Variants in UBOX5 observed in about 807,000 individuals in gnomAD.
UBOX5 encodes the protein RING finger protein 37.
UBOX5 carries 28 observed loss-of-function variants against 39.0 expected under a neutral mutation model. The ratio of observed to expected loss-of-function variants is 0.72; its 90% CI spans 0.53 to 0.98. The LOEUF is 0.98. UBOX5 is among the 50% of genes least tolerant of loss of function. UBOX5 has a pLI of 0.00. For synonymous variants in UBOX5, 283 were observed against 275.5 expected, an observed-to-expected ratio of 1.03 and a Z score of -0.27; for missense variants, 585 against 674.4, an observed-to-expected ratio of 0.87 and a Z score of 1.47.
In UBOX5 at chr20:3,119,979, G is replaced by C. The variant is rs962959613; in HGVS notation, c.1255+1405C>G. Among the ~76,000 whole-genome samples the C allele has an allele frequency of 2.6e-5, 4 of 152,116 alleles. No homozygotes were observed. The East Asian group carries it at 5.8e-4, about 22-fold the overall frequency. ...AACCAGGGCTGCTCACCTCAGGAGAGAGCAGCATCACCGGCCCTAGAAATC... is the reference window on the plus strand; with the variant it reads ...AACCAGGGCTGCTCACCTCAGGAGACAGCAGCATCACCGGCCCTAGAAATC... On this transcript the variant is annotated intron_variant, in intron 3 of 4. Transcript: ENST00000217173.
At chr20:3,158,150 G>A (rs148329264) in intron 1 of UBOX5, among the ~76,000 whole-genome samples, 6 of 151,306 alleles carry the variant, frequency 4.0e-5, no homozygotes, top group African/African-American at 1.5e-4. Context: ...TGTTTTTTTC[G>A]TAGAGACAGA....
Position 3,124,422 on chromosome 20 carries a change from A to G in UBOX5, c.-41-1016T>C, listed in dbSNP as rs1031689100. 5.3e-5 allele frequency among the ~76,000 whole-genome samples: 8 copies of G among 152,076 alleles called. No individual in the cohort carries two copies. The East Asian group carries it at 5.8e-4, about 11-fold the overall frequency. On this transcript the variant is annotated intron_variant, in intron 1 of 4. Transcript: ENST00000217173. ...TTGCAGACGGAGTCTCGTTCACTCAATGCTCAATGTTGCCCAGGCTGGAGT... is the reference window on the plus strand; with the variant it reads ...TTGCAGACGGAGTCTCGTTCACTCAGTGCTCAATGTTGCCCAGGCTGGAGT...
intron 1 of UBOX5, among the ~76,000 whole-genome samples, chr20:3,136,557 G>A (rs560896870): frequency 1.4e-3 from 217 of 151,796 alleles, no homozygotes; most frequent in Admixed American, 2.5e-3. Context: ...ATTTCCCCAC[G>A]TTGGCCAGAG....
intron 1 of UBOX5, among the ~76,000 whole-genome samples, chr20:3,144,341 G>A (rs917765652): frequency 6.6e-6 from 1 of 152,152 alleles, no homozygotes; most frequent in Non-Finnish European, 1.5e-5. Flanking sequence ...CCACATGTAT[G>A]GTCAATTGAT....
At chr20:3,114,732 G>A (rs77445488) in intron 4 of UBOX5, among the ~76,000 whole-genome samples, 2 of 152,150 alleles carry the variant, frequency 1.3e-5, no homozygotes, top group Non-Finnish European at 2.9e-5. Flanking sequence ...GGCGGATCAC[G>A]AGGTCGGGAG....
chr20:3,123,403 C>T lies in UBOX5; in HGVS notation c.-38G>A, dbSNP rs1456243871. 10 of 1,592,328 alleles carry T rather than the reference C, an allele frequency of 6.3e-6. No homozygotes were observed. Among genetic ancestry groups the T allele is most frequent in the Non-Finnish European group, 8.6e-6 (10 of 1,162,418 alleles). On this transcript the variant is annotated 5_prime_UTR_variant, in exon 2 of 5. Coordinates refer to ENST00000217173, the MANE Select transcript of UBOX5 (RefSeq NM_014948.4). ...GAGGATATCTTCCAAGCATCAGAAG[C>T]AGCCTTAAATAAGAAATAAAACTAT...
rs200804274 is a variant in UBOX5 at position 3,121,988 on chromosome 20, C to A, written c.651G>T (p.Leu217=). Reference sequence around the variant, plus strand: ...GAGCCTGCAGAGCCACATCCTGAGGCAGGTTCTCTGAGGTGACCAGCAGGA... The same window carrying A: ...GAGCCTGCAGAGCCACATCCTGAGGAAGGTTCTCTGAGGTGACCAGCAGGA... ...DSILLVTSEN[L]PQDVALQAPA... is the part of the protein sequence containing the mutation. Residue 217 remains leucine, a synonymous_variant, in exon 3 of 5, where the codon CTG becomes CTT. Coordinates refer to ENST00000217173, the MANE Select transcript of UBOX5 (RefSeq NM_014948.4). The A allele has an allele frequency of 3.7e-6, 6 of 1,614,050 alleles. No homozygotes were observed. Among genetic ancestry groups the A allele is most frequent in the Non-Finnish European group, 5.1e-6 (6 of 1,180,048 alleles).
chr20:3,137,323 T>C (rs1435087016), intron 1 of UBOX5, among the ~76,000 whole-genome samples: 1 of 152,128 alleles, frequency 6.6e-6, no homozygotes, highest in Non-Finnish European at 1.5e-5. Flanking sequence ...TAAAAAACAA[T>C]ACAGAGAGAT....
At chr20:3,125,392 T>G (rs1335647541) in intron 1 of UBOX5, among the ~76,000 whole-genome samples, 5 of 109,676 alleles carry the variant, frequency 4.6e-5, no homozygotes, top group African/African-American at 1.8e-4. Flanking sequence ...GTCTGGGAGG[T>G]GAGGAGCGCC....
chr20:3,135,222 A>T (rs538651364), intron 1 of UBOX5, among the ~76,000 whole-genome samples: 2 of 152,208 alleles, frequency 1.3e-5, no homozygotes, highest in Non-Finnish European at 2.9e-5. Flanking sequence ...ACAGGAGTAA[A>T]CATGTGAACT....
chr20:3,114,144 A>G (rs1021057208), intron 4 of UBOX5, among the ~76,000 whole-genome samples: 4 of 152,174 alleles, frequency 2.6e-5, no homozygotes, highest in African/African-American at 9.7e-5. Flanking sequence ...TAAAAAAAGA[A>G]AAAAGAGAGA....
At chr20:3,126,329 C>T (rs1600380242) in intron 1 of UBOX5, among the ~76,000 whole-genome samples, 2 of 151,998 alleles carry the variant, frequency 1.3e-5, no homozygotes, top group South Asian at 2.1e-4. Context: ...TAAGAGTCAT[C>T]ACCACTCCCT....
chr20:3,109,896 C>T lies in UBOX5; in HGVS notation c.*210G>A, dbSNP rs1312365002. The T allele has an allele frequency of 1.4e-5, 9 of 624,852 alleles. No individual in the cohort carries two copies. The highest frequency in any genetic ancestry group is 1.3e-4 in the African/African-American group (7 of 54,354). 38.7% of individuals were successfully genotyped at this position (624,852 alleles called of 1,614,324 possible). On this transcript the variant is annotated 3_prime_UTR_variant, in exon 5 of 5. Transcript: ENST00000217173. ...GGGGGTGGCAGGGAGGCAGGGACAT[C>T]CCCCCGCCCTCTGGCCTATGGCTTT...
intron 1 of UBOX5, among the ~76,000 whole-genome samples, chr20:3,123,610 G>A (rs539753620): frequency 1.3e-5 from 2 of 152,236 alleles, no homozygotes; most frequent in East Asian, 3.9e-4. Context: ...AGACTTCTAT[G>A]GCAGGCTCAA....
chr20:3,127,582 T>A (rs1278441226), intron 1 of UBOX5, among the ~76,000 whole-genome samples: 1 of 152,194 alleles, frequency 6.6e-6, no homozygotes, highest in African/African-American at 2.4e-5. Flanking sequence ...GAAAATCACA[T>A]CACCGAGAGC....
At chr20:3,133,004 GA>G (rs1233016882) in intron 1 of UBOX5, among the ~76,000 whole-genome samples, 1 of 151,790 alleles carries the variant, frequency 6.6e-6, no homozygotes, top group Admixed American at 6.6e-5. Flanking sequence ...ATGATTGGGG[GA>G]AAAAGTGATT....
intron 1 of UBOX5, among the ~76,000 whole-genome samples, chr20:3,158,830 C>G: frequency 6.6e-6 from 1 of 152,210 alleles, no homozygotes; most frequent in Non-Finnish European, 1.5e-5. Flanking sequence ...TTGCCCAGGA[C>G]CATTCAGGTC....
Position 3,109,053 on chromosome 20 carries a change from G to T in UBOX5, c.*1053C>A, listed in dbSNP as rs1236973895. The T allele has an allele frequency of 1.3e-5, 2 of 152,070 alleles. No homozygotes were observed. The highest frequency in any genetic ancestry group is 4.8e-5 in the African/African-American group (2 of 41,398). 9.4% of individuals were successfully genotyped at this position (152,070 alleles called of 1,614,324 possible). ...ATGTGCCGGTTCACAGGGACCCGCG[G>T]CTAAGCTCAAGGGTAAAATACAGCT... On this transcript the variant is annotated 3_prime_UTR_variant, in exon 5 of 5. Transcript: ENST00000217173.
At chr20:3,127,257 C>T (rs1025696740) in intron 1 of UBOX5, among the ~76,000 whole-genome samples, 1 of 151,972 alleles carries the variant, frequency 6.6e-6, no homozygotes, top group Non-Finnish European at 1.5e-5. Flanking sequence ...ATTGTTAGCC[C>T]GACAGGGATA....
Sources: gnomAD v4.1 joint callset for allele counts (sites outside exome capture counted in the v4.1 genomes callset) on GRCh38, gnomAD v4.1.1 for gene constraint, MANE v1.5 for transcripts, NCBI Gene and HGNC (gene_info 2026-07-23, HGNC 2026-07-21) for gene names.